KCNB2: variants seen among roughly 807,000 people sequenced by gnomAD.
The protein encoded by KCNB2 is delayed rectifier potassium channel protein.
Under a neutral mutation model 61.5 loss-of-function variants are expected in KCNB2, and 15 were observed. The observed-to-expected ratio is 0.24, with a 90% CI of 0.16 to 0.38. KCNB2 has a LOEUF of 0.38. KCNB2 is among the 10% of genes least tolerant of loss of function. The probability of loss-of-function intolerance (pLI) is 1.00; values close to 1 mark genes in which losing one functional copy is unlikely to be tolerated. For missense variants in KCNB2, 828 were observed against 1,125.2 expected (o/e 0.74, Z 3.78); for synonymous variants, 457 against 446.0 (o/e 1.02, Z -0.31).
At chr8:72,736,955 T>G (rs1489001207) in intron 2 of KCNB2, among the ~76,000 whole-genome samples, 1 of 152,120 alleles carries the variant, frequency 6.6e-6, no homozygotes, top group Non-Finnish European at 1.5e-5. Context: ...TGTATATACA[T>G]TTATGTATGT....
At chr8:72,638,922 G>A (rs1806010248) in intron 2 of KCNB2, among the ~76,000 whole-genome samples, 1 of 152,076 alleles carries the variant, frequency 6.6e-6, no homozygotes, top group Admixed American at 6.6e-5. Context: ...GTGCTTCCAA[G>A]CATTTCAGAC....
chr8:72,826,255 G>A (rs183523892), intron 2 of KCNB2, among the ~76,000 whole-genome samples: 7 of 152,250 alleles, frequency 4.6e-5, no homozygotes, highest in African/African-American at 1.7e-4. Flanking sequence ...ATCTGTTGAT[G>A]GGAAGTATCT....
At chr8:72,727,217 C>T (rs938269665) in intron 2 of KCNB2, among the ~76,000 whole-genome samples, 7 of 151,868 alleles carry the variant, frequency 4.6e-5, no homozygotes, top group Admixed American at 3.9e-4. Context: ...TTTATACGTC[C>T]CCCCCAGACC....
At position 72,794,304 on chromosome 8, in the gene KCNB2, C is replaced by T. The variant is rs552370866; in HGVS notation, c.580-141631C>T. 8.1e-4 allele frequency among the ~76,000 whole-genome samples: 124 copies of T among 152,210 alleles called. 1 individual carries two copies. The highest frequency in any genetic ancestry group is 6.4e-3 in the South Asian group (31 of 4,822). The stretch of plus-strand genomic sequence containing the variant: ...AATGGTGGCCGGACACGGTGGCTCA[C>T]GCCTGTAATCCCAGCACTTTGGGAG... On this transcript the variant is annotated intron_variant, in intron 2 of 2. Coordinates refer to ENST00000523207, the MANE Select transcript of KCNB2 (RefSeq NM_004770.3).
At chr8:72,784,835 A>G (rs1808821775) in intron 2 of KCNB2, among the ~76,000 whole-genome samples, 1 of 152,152 alleles carries the variant, frequency 6.6e-6, no homozygotes, top group Admixed American at 6.6e-5. Flanking sequence ...GCCAGGGACT[A>G]TTCGTCTTTA....
At chr8:72,621,207 A>G (rs766351819) in intron 2 of KCNB2, among the ~76,000 whole-genome samples, 1 of 152,090 alleles carries the variant, frequency 6.6e-6, no homozygotes, top group Non-Finnish European at 1.5e-5. Context: ...GTATATTTTT[A>G]TTTGTTCCAA....
chr8:72,738,463 G>A (rs182745115), intron 2 of KCNB2, among the ~76,000 whole-genome samples: 2 of 152,260 alleles, frequency 1.3e-5, no homozygotes, highest in African/African-American at 4.8e-5. Context: ...TGTCTAAGTT[G>A]TCTTCTAAGA....
intron 2 of KCNB2, among the ~76,000 whole-genome samples, chr8:72,862,444 TAC>T (rs1412793781): frequency 1.3e-5 from 2 of 152,174 alleles, no homozygotes; most frequent in East Asian, 3.8e-4. Flanking sequence ...AATTTTTTTT[TAC>T]ACAAAACCTA....
intron 2 of KCNB2, among the ~76,000 whole-genome samples, chr8:72,903,215 G>A (rs1197395913): frequency 6.6e-6 from 1 of 152,122 alleles, no homozygotes; most frequent in Non-Finnish European, 1.5e-5. Flanking sequence ...TATTTGAGAG[G>A]TGATCCCTGG....
chr8:72,749,117 C>T (rs1016328777), intron 2 of KCNB2, among the ~76,000 whole-genome samples: 7 of 151,884 alleles, frequency 4.6e-5, no homozygotes, highest in Non-Finnish European at 1.0e-4. Context: ...TTTTCGTTTT[C>T]ATTTTATTTA....
chr8:72,937,653 AC>A lies in KCNB2; in HGVS notation c.2301del (p.Leu768CysfsTer40). The A allele has an allele frequency of 1.2e-6, 2 of 1,613,954 alleles. No individual in the cohort carries two copies. The highest frequency in any genetic ancestry group is 1.7e-6 in the Non-Finnish European group (2 of 1,179,988). On this transcript the variant is annotated frameshift_variant, in exon 3 of 3. Transcript: ENST00000523207. LOFTEE classifies it high-confidence loss of function. ...LEETPSQGDR[P>X]LLGTEVSAPC... is the part of the protein sequence containing the mutation. ...AAGAAACCCCCTCCCAGGGAGACAG[AC>A]CCTTGCTGGGCACTGAGGTTTCAGC...
intron 2 of KCNB2, among the ~76,000 whole-genome samples, chr8:72,590,299 A>G (rs537571323): frequency 1.3e-5 from 2 of 152,176 alleles, no homozygotes; most frequent in Non-Finnish European, 2.9e-5. Flanking sequence ...AAATCCAAAA[A>G]CAAAATAAGA....
intron 2 of KCNB2, among the ~76,000 whole-genome samples, chr8:72,822,656 T>A (rs1195800665): frequency 6.6e-6 from 1 of 152,222 alleles, no homozygotes; most frequent in Non-Finnish European, 1.5e-5. Context: ...TGATCTTTTT[T>A]AAGTGACTAT....
chr8:72,629,871 C>G (rs1457735112), intron 2 of KCNB2, among the ~76,000 whole-genome samples: 1 of 152,188 alleles, frequency 6.6e-6, no homozygotes, highest in Non-Finnish European at 1.5e-5. Context: ...GGTAAGGAAA[C>G]TGAGCCTAGA....
intron 2 of KCNB2, among the ~76,000 whole-genome samples, chr8:72,689,182 A>T (rs535354679): frequency 1.3e-5 from 2 of 152,364 alleles, no homozygotes; most frequent in Non-Finnish European, 2.9e-5. Flanking sequence ...GTAATTGTTC[A>T]TCAATAAATA....
rs141712140 is a variant in KCNB2, at chr8:72,667,006, T to TGTGTGTGTGTGAGAGA, written c.579+98694_579+98695insTGTGTGTGTGAGAGAG. 1.8e-3 allele frequency among the ~76,000 whole-genome samples: 273 copies of TGTGTGTGTGTGAGAGA among 147,928 alleles called. 1 individual carries two copies. The highest frequency in any genetic ancestry group is 6.4e-3 in the African/African-American group (256 of 39,712). ...ATAAGTGTGTGTGTGTGTGTGTGTG[T>TGTGTGTGTGTGAGAGA]GAGAGAGAGAGAGTGACAGAGAGGG... On this transcript the variant is annotated intron_variant, in intron 2 of 2. Coordinates refer to ENST00000523207, the MANE Select transcript of KCNB2 (RefSeq NM_004770.3).
intron 2 of KCNB2, among the ~76,000 whole-genome samples, chr8:72,828,611 A>C (rs1809638798): frequency 1.3e-5 from 2 of 152,148 alleles, no homozygotes; most frequent in African/African-American, 4.8e-5. Flanking sequence ...CTTTCTATGG[A>C]TCTGTTTTTT....
chr8:72,777,476 G>A (rs900245877), intron 2 of KCNB2, among the ~76,000 whole-genome samples: 1 of 152,144 alleles, frequency 6.6e-6, no homozygotes, highest in African/African-American at 2.4e-5. Context: ...GAAGTCAGGG[G>A]CCTAAGGGTT....
chr8:72,843,629 G>A (rs1410503107), intron 2 of KCNB2, among the ~76,000 whole-genome samples: 1 of 152,086 alleles, frequency 6.6e-6, no homozygotes, highest in African/African-American at 2.4e-5. Context: ...CCTGTATTGG[G>A]CACATATATA....
Sources: allele counts gnomAD v4.1 joint callset (sites outside exome capture counted in the v4.1 genomes callset), GRCh38; gene constraint gnomAD v4.1.1; transcripts MANE v1.5; gene names NCBI Gene and HGNC (gene_info 2026-07-23, HGNC 2026-07-21).